ZC3H13: variants seen among roughly 807,000 people sequenced by gnomAD.
The protein encoded by ZC3H13 is zinc finger CCCH domain-containing protein 13.
Under a neutral mutation model 204.1 loss-of-function variants are expected in ZC3H13, and 64 were observed. That is an observed-to-expected ratio of 0.31 (90% CI 0.26 to 0.39). The LOEUF is 0.39. Among genes scored for constraint, ZC3H13 ranks in the 10% least tolerant of loss-of-function variants. The pLI is 1.00. For synonymous variants in ZC3H13, 667 were observed against 693.7 expected (o/e 0.96, Z 0.60); for missense variants, 1,833 against 2,082.7 (o/e 0.88, Z 2.33).
At chr13:45,999,931 G>A (rs969992697) in intron 8 of ZC3H13, among the ~76,000 whole-genome samples, 3 of 152,172 alleles carry the variant, frequency 2.0e-5, no homozygotes, top group East Asian at 3.8e-4. Context: ...CTTCATCAGA[G>A]CTCCTGCGTA....
intron 8 of ZC3H13, among the ~76,000 whole-genome samples, chr13:45,991,457 T>A (rs1376016611): frequency 6.6e-6 from 1 of 152,224 alleles, no homozygotes; most frequent in African/African-American, 2.4e-5. Flanking sequence ...TTCACCTACG[T>A]CCATTCTGCA....
chr13:45,978,093 T>C (rs1308207966), intron 11 of ZC3H13, among the ~76,000 whole-genome samples: 1 of 152,150 alleles, frequency 6.6e-6, no homozygotes, highest in African/African-American at 2.4e-5. Context: ...TTCCTTTTAT[T>C]CTTCAGGCCC....
intron 4 of ZC3H13, among the ~76,000 whole-genome samples, chr13:46,027,836 C>CA (rs887799855): frequency 3.3e-5 from 5 of 151,922 alleles, no homozygotes; most frequent in African/African-American, 1.2e-4. Context: ...AAAGAATGAA[C>CA]AAAGAATCAC....
intron 8 of ZC3H13, among the ~76,000 whole-genome samples, chr13:45,993,497 A>T (rs1304839856): frequency 1.3e-5 from 2 of 152,222 alleles, no homozygotes; most frequent in Non-Finnish European, 2.9e-5. Context: ...AAGTGGAACC[A>T]CAATTTATGA....
At chr13:45,961,916 G>C (rs1279740976) in intron 17 of ZC3H13, among the ~76,000 whole-genome samples, 2 of 151,782 alleles carry the variant, frequency 1.3e-5, no homozygotes, top group African/African-American at 4.8e-5. Context: ...CTTAACCTTA[G>C]CGCAATTAGA....
In ZC3H13 at chr13:46,042,212, G is replaced by A; in HGVS notation, c.291C>T (p.Asp97=). ...CTGTATTTCGTTTCTGGGGCTCAGTGTCCACGTCTTGGCGCTTGTTCTTCA... is the reference window on the plus strand; with the variant it reads ...CTGTATTTCGTTTCTGGGGCTCAGTATCCACGTCTTGGCGCTTGTTCTTCA... ...ERMKNKRQDV[D]TEPQKRNTEE... is the part of the protein sequence containing the mutation. Residue 97 remains aspartate (D), a synonymous_variant, in exon 4 of 19, where the codon GAC becomes GAT. Transcript: ENST00000679008. 6.2e-7 allele frequency: 1 copy of A among 1,613,506 alleles called. No individual in the cohort carries two copies. The highest frequency in any genetic ancestry group is 8.5e-7 in the Non-Finnish European group (1 of 1,179,556).
At chr13:46,004,266 T>C (rs1382050356) in intron 7 of ZC3H13, among the ~76,000 whole-genome samples, 1 of 148,218 alleles carries the variant, frequency 6.7e-6, no homozygotes, top group Non-Finnish European at 1.5e-5. Flanking sequence ...TAGATTTAGG[T>C]TGGGCATGGT....
intron 1 of ZC3H13, among the ~76,000 whole-genome samples, chr13:46,048,580 CA>C (rs56753264): frequency 4.2e-3 from 161 of 38,632 alleles, no homozygotes; most frequent in East Asian, 0.025. Flanking sequence ...GACTCCGCCT[CA>C]AAAAAAAAAA....
intron 5 of ZC3H13, among the ~76,000 whole-genome samples, chr13:46,017,002 T>C (rs1425084313): frequency 3.3e-5 from 5 of 152,042 alleles, no homozygotes; most frequent in African/African-American, 9.7e-5. Flanking sequence ...TCAGGACTGT[T>C]GGTATCTGGT....
Position 46,009,794 on chromosome 13 carries a change from A to G in ZC3H13, c.746+554T>C, listed in dbSNP as rs1039143418. 1.5e-4 allele frequency among the ~76,000 whole-genome samples: 23 copies of G among 152,144 alleles called. 1 individual carries two copies. The highest frequency in any genetic ancestry group is 3.1e-4 in the Non-Finnish European group (21 of 67,990). ...TTATAAAGAATTCAATCTCTTGATA[A>G]TATATACTGAAAGACAAAAATTTTT... On this transcript the variant is annotated intron_variant, in intron 7 of 18. Transcript: ENST00000679008.
intron 15 of ZC3H13, among the ~76,000 whole-genome samples, chr13:45,965,935 T>C (rs1234334192): frequency 6.6e-6 from 1 of 152,162 alleles, no homozygotes; most frequent in African/African-American, 2.4e-5. Context: ...AACAGTGAGG[T>C]AAAAATACAA....
chr13:46,009,616 T>TA (rs397764531), intron 7 of ZC3H13, among the ~76,000 whole-genome samples: 5 of 151,986 alleles, frequency 3.3e-5, no homozygotes, highest in South Asian at 4.2e-4. Context: ...TCATTTTTTT[T>TA]AAGATAAAAT....
chr13:45,962,492 G>C, intron 17 of ZC3H13: 3 of 983,480 alleles, frequency 3.1e-6, no homozygotes, highest in Non-Finnish European at 3.6e-6. Context: ...GCTCACAGGA[G>C]TTATTTGCTT....
At chr13:46,003,484 C>A in intron 7 of ZC3H13, 148 bp from the exon 8 acceptor site, 1 of 658,346 alleles carries the variant, frequency 1.5e-6, no homozygotes, top group South Asian at 2.3e-5. Context: ...GAAAAAAAAA[C>A]TAACAGAAAT....
At chr13:46,041,200 T>C (rs1593806435) in intron 4 of ZC3H13, among the ~76,000 whole-genome samples, 1 of 152,078 alleles carries the variant, frequency 6.6e-6, no homozygotes, top group African/African-American at 2.4e-5. Context: ...GATGAGTGGA[T>C]AAACAAAATG....
intron 4 of ZC3H13, among the ~76,000 whole-genome samples, chr13:46,032,756 T>C (rs2042978168): frequency 6.6e-6 from 1 of 152,120 alleles, no homozygotes; most frequent in Non-Finnish European, 1.5e-5. Flanking sequence ...TCTCCACTAA[T>C]AGAAGACTGG....
intron 13 of ZC3H13, 40 bp downstream of exon 13, chr13:45,970,322 G>A: frequency 6.3e-7 from 1 of 1,588,616 alleles, no homozygotes; most frequent in Middle Eastern, 1.7e-4. Flanking sequence ...GGTTACAAAT[G>A]AATATGAATA....
Position 46,045,481 on chromosome 13 carries a change from T to A in ZC3H13, c.27A>T (p.Thr9=), listed in dbSNP as rs200079963. Residue 9 remains threonine, a synonymous_variant, in exon 2 of 19, where the codon ACA becomes ACT. Transcript: ENST00000679008. ...CAGATATAGTCTTGGTATTTTCCAC[T>A]GTGACCTTCCTTCTAATTTTTGACA... is the stretch of plus-strand genomic sequence containing the variant. MSKIRRKV[T]VENTKTISDS... 1.9e-6 allele frequency: 3 copies of A among 1,614,000 alleles called. No homozygotes were observed. In the African/African-American group the frequency reaches 4.0e-5, roughly 22 times the overall value.
intron 8 of ZC3H13, among the ~76,000 whole-genome samples, chr13:45,996,685 C>A: frequency 6.7e-6 from 1 of 149,166 alleles, no homozygotes. Flanking sequence ...TCGAGTAACC[C>A]TTATTTTACT....
Sources: gnomAD v4.1 joint callset for allele counts (sites outside exome capture counted in the v4.1 genomes callset) on GRCh38, gnomAD v4.1.1 for gene constraint, MANE v1.5 for transcripts, NCBI Gene and HGNC (gene_info 2026-07-23, HGNC 2026-07-21) for gene names.